The following ADAD1 variants were observed in gnomAD, a reference collection of about 807,000 sequenced individuals.
ADAD1 encodes the protein adenosine deaminase domain-containing protein 1.
Under a neutral mutation model 66.8 loss-of-function variants are expected in ADAD1, and 46 were observed. The observed-to-expected ratio is 0.69, with a 90% CI of 0.54 to 0.88. The LOEUF is 0.88. ADAD1 is among the 40% of genes least tolerant of loss of function. The pLI is 0.00. For missense variants in ADAD1, 617 were observed against 681.8 expected, an observed-to-expected ratio of 0.91 and a Z score of 1.06; for synonymous variants, 248 against 229.4, an observed-to-expected ratio of 1.08 and a Z score of -0.73.
chr4:122,404,508 C>G (rs1053712184), intron 7 of ADAD1, among the ~76,000 whole-genome samples: 11 of 152,302 alleles, frequency 7.2e-5, no homozygotes, highest in African/African-American at 2.6e-4. Context: ...TTCCCCACCT[C>G]ACACTTTGGG....
At chr4:122,426,908 T>C (rs1352776194) in intron 12 of ADAD1, among the ~76,000 whole-genome samples, 2 of 152,184 alleles carry the variant, frequency 1.3e-5, no homozygotes, top group East Asian at 3.8e-4. Context: ...AATAACTCCT[T>C]TCCCTACTCA....
At chr4:122,386,772 G>A (rs1002962665) in intron 5 of ADAD1, among the ~76,000 whole-genome samples, 2 of 152,116 alleles carry the variant, frequency 1.3e-5, no homozygotes, top group Non-Finnish European at 2.9e-5. Context: ...AGTTTTCCCA[G>A]CACCATTTAC....
At chr4:122,379,874 A>G (rs1300015132) in intron 2 of ADAD1, among the ~76,000 whole-genome samples, 188 bp from the exon 3 acceptor site, 2 of 152,006 alleles carry the variant, frequency 1.3e-5, no homozygotes, top group Non-Finnish European at 2.9e-5. Context: ...TTCAGGAGAG[A>G]AGAGGTCCGT....
At chr4:122,397,381 C>T (rs1218500758) in intron 7 of ADAD1, among the ~76,000 whole-genome samples, 2 of 152,144 alleles carry the variant, frequency 1.3e-5, no homozygotes, top group African/African-American at 2.4e-5. Flanking sequence ...AAATTATATA[C>T]TTAACGTCTC....
intron 11 of ADAD1, among the ~76,000 whole-genome samples, chr4:122,420,731 A>T (rs1796966463): frequency 6.6e-6 from 1 of 152,228 alleles, no homozygotes; most frequent in South Asian, 2.1e-4. Context: ...ACCCACTTTC[A>T]TTAGAAACCC....
chr4:122,387,191 G>T (rs1795211842), intron 5 of ADAD1, among the ~76,000 whole-genome samples: 1 of 152,112 alleles, frequency 6.6e-6, no homozygotes. Context: ...TTTTCCATTT[G>T]TTTGTGTCCT....
chr4:122,384,691 C>A (rs1321360478), intron 5 of ADAD1, among the ~76,000 whole-genome samples: 4 of 152,180 alleles, frequency 2.6e-5, no homozygotes, highest in African/African-American at 9.7e-5. Context: ...TGATTAGTTT[C>A]TCCTGCCTTT....
At chr4:122,383,703 A>AG in intron 4 of ADAD1, 96 bp from the exon 5 acceptor site, 1 of 1,360,852 alleles carries the variant, frequency 7.3e-7, no homozygotes, top group Non-Finnish European at 9.8e-7. Flanking sequence ...GTAGTTTTTG[A>AG]GAATTTTTGT....
At chr4:122,412,409 G>A (rs992420717) in intron 9 of ADAD1, among the ~76,000 whole-genome samples, 171 bp from the exon 10 acceptor site, 2 of 152,056 alleles carry the variant, frequency 1.3e-5, no homozygotes, top group Non-Finnish European at 1.5e-5. Flanking sequence ...TAGTACTATT[G>A]TAGAATAAAG....
At chr4:122,382,027 G>T (rs931391655) in intron 4 of ADAD1, among the ~76,000 whole-genome samples, 8 of 152,152 alleles carry the variant, frequency 5.3e-5, no homozygotes, top group African/African-American at 9.7e-5. Flanking sequence ...GTTTTAGGTG[G>T]AATACCAGTA....
At chr4:122,417,070 C>G (rs1039129224) in intron 11 of ADAD1, among the ~76,000 whole-genome samples, 2 of 152,176 alleles carry the variant, frequency 1.3e-5, no homozygotes, top group African/African-American at 4.8e-5. Context: ...TGCAGTGGCT[C>G]ACGCCTATAA....
chr4:122,418,545 A>G (rs1796858744), intron 11 of ADAD1, among the ~76,000 whole-genome samples: 1 of 152,122 alleles, frequency 6.6e-6, no homozygotes, highest in African/African-American at 2.4e-5. Flanking sequence ...GATGGTCTCT[A>G]TCTCCTGACC....
rs553501029 is a variant in ADAD1 at position 122,419,783 on chromosome 4, A to G, written c.1488-1478A>G. Among the ~76,000 whole-genome samples, 23 of 152,324 alleles carry G rather than the reference A, an allele frequency of 1.5e-4. No homozygotes were observed. In the East Asian group the frequency reaches 3.9e-3, roughly 26 times the overall value. ...TATTAATTAATCTAGGGAAAATATCATATGTTTATCTCTATAAATTCTAAG... is the reference window on the plus strand; with the variant it reads ...TATTAATTAATCTAGGGAAAATATCGTATGTTTATCTCTATAAATTCTAAG... On this transcript the variant is annotated intron_variant, in intron 11 of 12. Coordinates refer to ENST00000296513, the MANE Select transcript of ADAD1 (RefSeq NM_139243.4).
At chr4:122,408,081 A>G (rs1441713295) in intron 8 of ADAD1, 50 bp downstream of exon 8, 1 of 1,536,172 alleles carries the variant, frequency 6.5e-7, no homozygotes, top group Non-Finnish European at 8.8e-7. Flanking sequence ...CCCTCAGCCC[A>G]AAGTAACTTC....
intron 12 of ADAD1, among the ~76,000 whole-genome samples, chr4:122,424,750 T>C (rs904383130): frequency 3.2e-4 from 49 of 152,000 alleles, no homozygotes; most frequent in Admixed American, 1.3e-3. Context: ...TACAATAAAG[T>C]AGACTAACTG....
chr4:122,380,899 G>A (rs1794864983), intron 3 of ADAD1, 93 bp from the exon 4 acceptor site: 9 of 1,181,968 alleles, frequency 7.6e-6, no homozygotes, highest in Non-Finnish European at 1.1e-5. Context: ...GTGTATCTGG[G>A]ACAACCTTCC....
At chr4:122,418,216 T>G (rs1796832321) in intron 11 of ADAD1, among the ~76,000 whole-genome samples, 1 of 151,772 alleles carries the variant, frequency 6.6e-6, no homozygotes, top group Admixed American at 6.6e-5. Context: ...ACAAATATAA[T>G]TTAAAACCTG....
At chr4:122,403,350 A>G (rs1408616537) in intron 7 of ADAD1, among the ~76,000 whole-genome samples, 1 of 152,142 alleles carries the variant, frequency 6.6e-6, no homozygotes, top group African/African-American at 2.4e-5. Flanking sequence ...ATCCATCTTC[A>G]GGTCTCCCAG....
In ADAD1 at chr4:122,415,509, A is replaced by G. The variant is rs1350271874; in HGVS notation, c.1380A>G (p.Ala460=). 2 of 1,613,860 alleles carry G rather than the reference A, an allele frequency of 1.2e-6. No individual in the cohort carries two copies. Among genetic ancestry groups the G allele is most frequent in the Non-Finnish European group, 1.7e-6 (2 of 1,179,882 alleles). The change falls in exon 11 of 13, where the codon GCA becomes GCG. Residue 460 remains alanine, a synonymous_variant. Transcript: ENST00000296513. ...CTCATATTAGTTTAGTACCCTCTGC[A>G]TATCCCCTTCAAATGAACTTGGAAT... ...NRPHISLVPS[A]YPLQMNLEYK...
Sources: allele counts gnomAD v4.1 joint callset (sites outside exome capture counted in the v4.1 genomes callset), GRCh38; gene constraint gnomAD v4.1.1; transcripts MANE v1.5; gene names NCBI Gene and HGNC (gene_info 2026-07-23, HGNC 2026-07-21).